The following SCG3 variants were observed in gnomAD, a reference collection of about 807,000 sequenced individuals.
SCG3 encodes the protein secretogranin III, also known as secretogranin-3.
Under a neutral mutation model 56.2 loss-of-function variants are expected in SCG3, and 38 were observed. The observed-to-expected ratio is 0.68, with a 90% CI of 0.52 to 0.89. The LOEUF (loss-of-function observed/expected upper bound fraction) is 0.89. SCG3 is among the 40% of genes least tolerant of loss of function. SCG3 has a pLI of 0.00. For missense variants in SCG3, 524 were observed against 540.7 expected (o/e 0.97, Z 0.31); for synonymous variants, 176 against 184.2 (o/e 0.96, Z 0.36).
chr15:51,718,187 T>C (rs113880141), intron 11 of SCG3, among the ~76,000 whole-genome samples: 1,537 of 123,232 alleles, frequency 0.012, 17 homozygotes, highest in African/African-American at 0.028. Context: ...GATGGATGGA[T>C]AGATAGATAG....
At chr15:51,693,025 G>A (rs2055278007) in intron 7 of SCG3, among the ~76,000 whole-genome samples, 2 of 152,066 alleles carry the variant, frequency 1.3e-5, no homozygotes, top group East Asian at 1.9e-4. Flanking sequence ...CATACCCTTT[G>A]ACCAACACCT....
chr15:51,710,405 A>G lies in SCG3; in HGVS notation c.1208-2928A>G, dbSNP rs2055413126. Among the ~76,000 whole-genome samples the G allele has an allele frequency of 2.0e-5, 3 of 152,256 alleles. No homozygotes were observed. The South Asian group carries it at 6.2e-4, about 32-fold the overall frequency. The stretch of plus-strand genomic sequence containing the variant: ...TAACCCATAAGATACTAGTCTCTCA[A>G]TGAATTGCAGTCCAATTTTCTTTAA... On this transcript the variant is annotated intron_variant, in intron 10 of 11. Coordinates refer to ENST00000220478, the MANE Select transcript of SCG3 (RefSeq NM_013243.4).
At chr15:51,699,268 G>T in intron 8 of SCG3, 51 bp from the exon 9 acceptor site, 1 of 1,302,464 alleles carries the variant, frequency 7.7e-7, no homozygotes. Flanking sequence ...GTAAAAATTT[G>T]ATGTCATCTC....
Position 51,683,399 on chromosome 15 carries a change from A to G in SCG3, c.362A>G (p.Asp121Gly). ...AATCGAAAACTGATCGATGATTATG[A>G]CTCTACTAAGAGTGGATTGGATCAT... ...TKNRKLIDDY[D>G]STKSGLDHKF... The change falls in exon 4 of 12, where the codon GAC becomes GGC. Residue 121 changes from aspartate to glycine, a missense_variant. Transcript: ENST00000220478. The G allele has an allele frequency of 1.9e-6, 3 of 1,613,484 alleles. No individual in the cohort carries two copies. Among genetic ancestry groups the G allele is most frequent in the Non-Finnish European group, 2.5e-6 (3 of 1,179,714 alleles).
Position 51,681,637 on chromosome 15 carries a change from T to TCCCCCCCCCCCCC in SCG3, c.-116_-115insCCCCCCCCCCCCC. ...TGCAGCCGCCCAGTCCCGGCCCCTC[T>TCCCCCCCCCCCCC]CCCGCCCCACACCCACCCTCCTGGC... On this transcript the variant is annotated 5_prime_UTR_variant, in exon 1 of 12. Transcript: ENST00000220478. 1.7e-6 allele frequency: 1 copy of TCCCCCCCCCCCCC among 582,690 alleles called. No individual in the cohort carries two copies. The highest frequency in any genetic ancestry group is 3.6e-5 in the East Asian group (1 of 27,556). 36.1% of individuals were successfully genotyped at this position (582,690 alleles called of 1,614,324 possible).
chr15:51,713,190 T>C (rs558760081), intron 10 of SCG3, 143 bp from the exon 11 acceptor site: 1 of 580,928 alleles, frequency 1.7e-6, no homozygotes, highest in Admixed American at 3.2e-5. Flanking sequence ...CACATACAAA[T>C]ATGTACATTA....
At chr15:51,715,467 G>A (rs1325932007) in intron 11 of SCG3, among the ~76,000 whole-genome samples, 1 of 152,082 alleles carries the variant, frequency 6.6e-6, no homozygotes, top group Non-Finnish European at 1.5e-5. Flanking sequence ...GTTTGGTAAG[G>A]GACTGGGTGA....
chr15:51,697,396 C>CT (rs1285794480), intron 8 of SCG3, among the ~76,000 whole-genome samples: 1 of 152,218 alleles, frequency 6.6e-6, no homozygotes, highest in African/African-American at 2.4e-5. Flanking sequence ...CCCACTATCA[C>CT]TTATAGCAGT....
At chr15:51,716,893 A>C (rs963231830) in intron 11 of SCG3, among the ~76,000 whole-genome samples, 2 of 152,180 alleles carry the variant, frequency 1.3e-5, no homozygotes, top group African/African-American at 4.8e-5. Context: ...ACTGGCTTCA[A>C]GTTTCGGTTT....
At chr15:51,703,907 T>A (rs1210607115) in intron 10 of SCG3, among the ~76,000 whole-genome samples, 1 of 152,126 alleles carries the variant, frequency 6.6e-6, no homozygotes, top group Admixed American at 6.5e-5. Context: ...CATTTTATAT[T>A]TTCCTACATT....
chr15:51,682,411 T>G (rs2055200568), intron 1 of SCG3, 106 bp from the exon 2 acceptor site: 1 of 570,810 alleles, frequency 1.8e-6, no homozygotes, highest in South Asian at 2.4e-5. Flanking sequence ...TCATCCAAAA[T>G]TATTTCTCCT....
chr15:51,708,244 C>T (rs1026232443), intron 10 of SCG3: 5 of 152,184 alleles, frequency 3.3e-5, no homozygotes, highest in African/African-American at 1.2e-4. Flanking sequence ...TCAGTGCACA[C>T]TGCGTAAATA....
chr15:51,699,144 A>T (rs1173733609), intron 8 of SCG3, among the ~76,000 whole-genome samples, 175 bp from the exon 9 acceptor site: 2 of 152,222 alleles, frequency 1.3e-5, no homozygotes, highest in African/African-American at 4.8e-5. Context: ...ATGTCTTTCC[A>T]TCCTGAGAGT....
At chr15:51,704,244 C>CATACAT (rs751546589) in intron 10 of SCG3, among the ~76,000 whole-genome samples, 2,539 of 73,560 alleles carry the variant, frequency 0.035, 46 homozygotes, top group Admixed American at 0.047. Context: ...TACATACATA[C>CATACAT]ATATATATAT....
At chr15:51,699,961 G>A (rs1156292236) in intron 9 of SCG3, among the ~76,000 whole-genome samples, 1 of 152,142 alleles carries the variant, frequency 6.6e-6, no homozygotes, top group Non-Finnish European at 1.5e-5. Context: ...TCCTTTCAAG[G>A]AGGAGGGTGG....
intron 7 of SCG3, among the ~76,000 whole-genome samples, chr15:51,694,156 A>G (rs185917497): frequency 2.6e-5 from 4 of 152,230 alleles, no homozygotes; most frequent in African/African-American, 9.6e-5. Flanking sequence ...TAATTTAAAT[A>G]TTTATACTGA....
chr15:51,682,486 T>A, intron 1 of SCG3, 31 bp from the exon 2 acceptor site: 1 of 1,239,114 alleles, frequency 8.1e-7, no homozygotes, highest in South Asian at 1.4e-5. Context: ...CAACGCACAA[T>A]TAAATTTATA....
intron 11 of SCG3, among the ~76,000 whole-genome samples, chr15:51,716,100 G>A (rs532454571): frequency 9.2e-5 from 14 of 152,216 alleles, no homozygotes; most frequent in Admixed American, 2.6e-4. Flanking sequence ...CTCCTGATCC[G>A]CCTGCCTCGG....
chr15:51,694,972 A>T (rs1467696007), intron 7 of SCG3, among the ~76,000 whole-genome samples: 3 of 151,880 alleles, frequency 2.0e-5, no homozygotes, highest in Non-Finnish European at 4.4e-5. Context: ...CAGAGGTTGC[A>T]GTAAGCCGAG....
Sources: allele counts gnomAD v4.1 joint callset (sites outside exome capture counted in the v4.1 genomes callset), GRCh38; gene constraint gnomAD v4.1.1; transcripts MANE v1.5; gene names NCBI Gene and HGNC (gene_info 2026-07-23, HGNC 2026-07-21).